BTBD16: variants seen among roughly 807,000 people sequenced by gnomAD.
BTBD16 encodes BTB domain containing 16.
A neutral mutation model predicts 67.4 loss-of-function variants in BTBD16; 66 were observed. That is an observed-to-expected ratio of 0.98 (90% CI 0.80 to 1.20). BTBD16 has a LOEUF of 1.20. Ranked by LOEUF, BTBD16 falls within the 50% of genes most tolerant of loss-of-function variation. BTBD16 has a pLI of 0.00. For missense variants in BTBD16, 634 were observed against 616.0 expected (o/e 1.03, Z -0.31); for synonymous variants, 242 against 236.4 (o/e 1.02, Z -0.22).
chr10:122,315,033 C>T (rs1288077970), intron 10 of BTBD16, among the ~76,000 whole-genome samples: 1 of 152,020 alleles, frequency 6.6e-6, no homozygotes, highest in East Asian at 1.9e-4. Flanking sequence ...TGTAGATACT[C>T]TTTATCAAAT....
chr10:122,297,990 G>T (rs375676965), intron 8 of BTBD16, among the ~76,000 whole-genome samples, 153 bp downstream of exon 8: 50 of 147,318 alleles, frequency 3.4e-4, no homozygotes, highest in African/African-American at 9.7e-4. Flanking sequence ...ACATTTGTGT[G>T]TTTTTTTTTT....
chr10:122,275,033 C>T lies in BTBD16; in HGVS notation c.-42-7C>T. ...AAAATGTCACCTTTACCTCTTTTGT[C>T]TTCTAGGTTGCTTGTCTTTTCTCTC... On this transcript the variant is annotated splice_region_variant and splice_polypyrimidine_tract_variant and intron_variant, in intron 1 of 15. Coordinates refer to ENST00000260723, the MANE Select transcript of BTBD16 (RefSeq NM_144587.5). The T allele has an allele frequency of 6.2e-7, 1 of 1,607,136 alleles. No individual in the cohort carries two copies. Among genetic ancestry groups the T allele is most frequent in the Non-Finnish European group, 8.5e-7 (1 of 1,174,032 alleles).
intron 4 of BTBD16, among the ~76,000 whole-genome samples, chr10:122,284,865 A>C (rs1274224954): frequency 6.6e-6 from 1 of 152,152 alleles, no homozygotes; most frequent in Admixed American, 6.5e-5. Context: ...GATGGCTGCC[A>C]TGCATTGGCC....
chr10:122,317,456 G>A (rs1456307653), intron 10 of BTBD16, among the ~76,000 whole-genome samples: 1 of 152,002 alleles, frequency 6.6e-6, no homozygotes, highest in Non-Finnish European at 1.5e-5. Flanking sequence ...GACCATCCTG[G>A]CTAACACGGT....
At chr10:122,283,669 A>T (rs2273796) in intron 3 of BTBD16, among the ~76,000 whole-genome samples, 182 bp from the exon 4 acceptor site, 2 of 152,054 alleles carry the variant, frequency 1.3e-5, no homozygotes, top group African/African-American at 4.8e-5. Flanking sequence ...GCCAGCTATC[A>T]GAAAGCCTAC....
chr10:122,324,775 A>G (rs918443955), intron 10 of BTBD16, among the ~76,000 whole-genome samples: 2 of 152,134 alleles, frequency 1.3e-5, no homozygotes, highest in East Asian at 3.9e-4. Flanking sequence ...CTTGTTCTCA[A>G]GGTCCCTAAA....
intron 9 of BTBD16, among the ~76,000 whole-genome samples, chr10:122,304,845 G>A (rs905583537): frequency 4.6e-5 from 7 of 152,130 alleles, no homozygotes; most frequent in East Asian, 1.9e-4. Context: ...GAGCCACTGC[G>A]CCTGGCCAGC....
chr10:122,322,349 T>C (rs2096437059), intron 10 of BTBD16, among the ~76,000 whole-genome samples: 1 of 152,142 alleles, frequency 6.6e-6, no homozygotes, highest in Non-Finnish European at 1.5e-5. Flanking sequence ...AGTTTTGATA[T>C]AATATGCATG....
At chr10:122,313,907 C>T (rs980597427) in intron 10 of BTBD16, among the ~76,000 whole-genome samples, 10 of 152,068 alleles carry the variant, frequency 6.6e-5, no homozygotes, top group Admixed American at 6.6e-4. Flanking sequence ...CTATTCTGTG[C>T]CATTAGTCTT....
At position 122,332,567 on chromosome 10, in the gene BTBD16, T is replaced by A. The variant is rs2096456959; in HGVS notation, c.1164+54T>A. On this transcript the variant is annotated intron_variant, in intron 13 of 15. Transcript: ENST00000260723. ...AAGAACTGTTCCTCTCGTGCTTAGT[T>A]AAGAACCTTTGGAGGGCAGCCATGA... 3.2e-6 allele frequency: 5 copies of A among 1,563,814 alleles called. No individual in the cohort carries two copies. In the East Asian group the frequency reaches 1.1e-4, roughly 35 times the overall value.
intron 7 of BTBD16, among the ~76,000 whole-genome samples, chr10:122,293,107 G>A (rs567823402): frequency 3.9e-5 from 6 of 152,210 alleles, no homozygotes; most frequent in Non-Finnish European, 5.9e-5. Context: ...AATTCCTGAT[G>A]CAATTCAGTA....
chr10:122,310,642 G>C (rs932469016), intron 10 of BTBD16, among the ~76,000 whole-genome samples: 1 of 152,192 alleles, frequency 6.6e-6, no homozygotes, highest in Admixed American at 6.5e-5. Flanking sequence ...GACCCCAGGG[G>C]AGACAGTAAA....
At chr10:122,309,996 T>G (rs1003550372) in intron 10 of BTBD16, among the ~76,000 whole-genome samples, 2 of 151,264 alleles carry the variant, frequency 1.3e-5, no homozygotes, top group African/African-American at 4.9e-5. Context: ...GGTCTCAAAC[T>G]CCTGCCCTCA....
chr10:122,323,065 T>C (rs1043294199), intron 10 of BTBD16, among the ~76,000 whole-genome samples: 13 of 152,222 alleles, frequency 8.5e-5, no homozygotes, highest in Admixed American at 6.5e-4. Context: ...ACTGAATGAA[T>C]GGTGCTTTGA....
intron 7 of BTBD16, among the ~76,000 whole-genome samples, chr10:122,292,765 A>C (rs904439914): frequency 6.6e-6 from 1 of 152,244 alleles, no homozygotes; most frequent in Non-Finnish European, 1.5e-5. Context: ...AACAGTCTCC[A>C]TGACACCAGA....
intron 9 of BTBD16, among the ~76,000 whole-genome samples, chr10:122,304,219 T>C (rs899817502): frequency 6.6e-6 from 1 of 152,192 alleles, no homozygotes; most frequent in African/African-American, 2.4e-5. Flanking sequence ...TCAAAGTCCA[T>C]GCATTTGTAG....
intron 10 of BTBD16, among the ~76,000 whole-genome samples, chr10:122,321,002 C>T (rs1412274362): frequency 3.3e-5 from 5 of 152,064 alleles, no homozygotes; most frequent in Non-Finnish European, 7.4e-5. Flanking sequence ...GCCTTTGTCT[C>T]CCTCCCTCCC....
intron 9 of BTBD16, among the ~76,000 whole-genome samples, chr10:122,300,430 T>G (rs1335349639): frequency 6.6e-6 from 1 of 152,078 alleles, no homozygotes; most frequent in Non-Finnish European, 1.5e-5. Flanking sequence ...AGAGTTCAAT[T>G]TCTGCCCTGC....
At chr10:122,332,406 C>A (rs4627016) in intron 12 of BTBD16, 30 bp from the exon 13 acceptor site, 1 of 1,609,584 alleles carries the variant, frequency 6.2e-7, no homozygotes. Flanking sequence ...AGGATCCCAC[C>A]GTGGTCAGCT....
Sources: gnomAD v4.1 joint callset for allele counts (sites outside exome capture counted in the v4.1 genomes callset) on GRCh38, gnomAD v4.1.1 for gene constraint, MANE v1.5 for transcripts, NCBI Gene and HGNC (gene_info 2026-07-23, HGNC 2026-07-21) for gene names.